The following EPB41 variants were observed in gnomAD, a reference collection of about 807,000 sequenced individuals.
The protein encoded by EPB41 is protein 4.1.
EPB41 carries 65 observed loss-of-function variants against 108.0 expected under a neutral mutation model. The observed-to-expected ratio is 0.60, with a 90% CI of 0.49 to 0.74. The LOEUF is 0.74. Ranked by LOEUF, EPB41 falls within the 30% of genes least tolerant of loss-of-function variation. The pLI, the probability that EPB41 is intolerant of heterozygous loss-of-function variation, is 0.00. For synonymous variants in EPB41, 336 were observed against 358.9 expected, an observed-to-expected ratio of 0.94 and a Z score of 0.72; for missense variants, 875 against 1,037.0, an observed-to-expected ratio of 0.84 and a Z score of 2.15.
At chr1:29,047,570 G>A (rs530451871) in intron 11 of EPB41, among the ~76,000 whole-genome samples, 1 of 151,694 alleles carries the variant, frequency 6.6e-6, no homozygotes, top group East Asian at 1.9e-4. Context: ...TGTTTTTCTA[G>A]GAAATGTGCA....
Position 28,887,266 on chromosome 1 carries a change from G to A in EPB41, c.-8+56G>A. Reference sequence around the variant, plus strand: ...CGGTCCCCGGGAGGGACGGGGTTAGGGACAGAAGAACCTACCCCCAAGGGC... The same window carrying A: ...CGGTCCCCGGGAGGGACGGGGTTAGAGACAGAAGAACCTACCCCCAAGGGC... On this transcript the variant is annotated intron_variant, in intron 1 of 16. Transcript: ENST00000347529. The surrounding 1 kb of genome is among the most constrained non-coding windows in gnomAD (Gnocchi z 4.9). 7.9e-7 allele frequency: 1 copy of A among 1,266,376 alleles called. No homozygotes were observed. The highest frequency in any genetic ancestry group is 1.0e-6 in the Non-Finnish European group (1 of 977,966). The allele number at this position is 1,266,376 out of a possible 1,614,324, so 78.4% of individuals were successfully genotyped here.
intron 11 of EPB41, among the ~76,000 whole-genome samples, chr1:29,045,412 G>C (rs898454778): frequency 6.6e-6 from 1 of 151,994 alleles, no homozygotes; most frequent in Non-Finnish European, 1.5e-5. Context: ...GGAGTGCGAT[G>C]GAGCGATCAC....
chr1:28,895,626 A>G (rs548657476), intron 1 of EPB41, among the ~76,000 whole-genome samples: 1 of 152,112 alleles, frequency 6.6e-6, no homozygotes, highest in Non-Finnish European at 1.5e-5. Flanking sequence ...AGTAGCTGGG[A>G]CTACAGGCGT....
intron 1 of EPB41, among the ~76,000 whole-genome samples, chr1:28,971,816 T>C (rs2095502553): frequency 6.6e-6 from 1 of 152,134 alleles, no homozygotes. Context: ...TCAATTATGG[T>C]CTATAGATTT....
At chr1:29,104,286 G>T (rs1175174202) in intron 17 of EPB41, among the ~76,000 whole-genome samples, 1 of 152,154 alleles carries the variant, frequency 6.6e-6, no homozygotes, top group Non-Finnish European at 1.5e-5. Context: ...TTATCTTGCT[G>T]GATAAGTAAG....
intron 12 of EPB41, 55 bp downstream of exon 12, chr1:29,053,367 A>G: frequency 6.3e-7 from 1 of 1,597,694 alleles, no homozygotes; most frequent in Non-Finnish European, 8.6e-7. Context: ...AGAGGCCTTA[A>G]CTTTTTGACC....
intron 1 of EPB41, among the ~76,000 whole-genome samples, chr1:28,907,337 G>C (rs1353307329): frequency 1.3e-5 from 2 of 151,928 alleles, no homozygotes; most frequent in Non-Finnish European, 2.9e-5. Flanking sequence ...AAAGTGCTGG[G>C]ATTACAGGCA....
At chr1:29,017,882 G>A (rs565599262) in intron 6 of EPB41, among the ~76,000 whole-genome samples, 2 of 151,946 alleles carry the variant, frequency 1.3e-5, no homozygotes, top group Admixed American at 6.6e-5. Flanking sequence ...TATATCTGTG[G>A]TACTTAGTAT....
At chr1:28,928,195 C>T (rs2093557507) in intron 1 of EPB41, among the ~76,000 whole-genome samples, 1 of 151,920 alleles carries the variant, frequency 6.6e-6, no homozygotes. Flanking sequence ...TATTGGGATA[C>T]CTCCCTTACT....
chr1:28,921,981 T>TC, intron 1 of EPB41, among the ~76,000 whole-genome samples: 1 of 127,236 alleles, frequency 7.9e-6, no homozygotes, highest in East Asian at 2.9e-4. Context: ...TTTTGTTTTT[T>TC]TTTTTTGAGA....
At chr1:28,931,772 G>C (rs568905219) in intron 1 of EPB41, among the ~76,000 whole-genome samples, 3 of 151,960 alleles carry the variant, frequency 2.0e-5, no homozygotes, top group African/African-American at 7.2e-5. Context: ...CTGACCTCAT[G>C]ATCCACTCGC....
chr1:29,030,346 G>A lies in EPB41; in HGVS notation c.1125-54G>A, dbSNP rs545810962. ...ATACAGTGAATATATAAATGTTACT[G>A]TAAATGATGACACTATAACACTGAA... On this transcript the variant is annotated intron_variant, in intron 7 of 20. Transcript: ENST00000343067. The A allele has an allele frequency of 3.6e-5, 48 of 1,335,314 alleles. 1 individual carries two copies. In the South Asian group the frequency reaches 5.2e-4, roughly 14 times the overall value. 82.7% of individuals were successfully genotyped at this position (1,335,314 alleles called of 1,614,324 possible).
At chr1:29,016,635 C>T (rs912985005) in intron 6 of EPB41, among the ~76,000 whole-genome samples, 8 of 152,058 alleles carry the variant, frequency 5.3e-5, no homozygotes, top group Admixed American at 2.6e-4. Flanking sequence ...TTAAATCCTG[C>T]GCTCTTTAAA....
rs12092908 is a variant in EPB41 at position 29,106,143 on chromosome 1, T to C, written c.2314-3193T>C. ...GACAAATGACCAGTATGAGGAAACA[T>C]TGGTAAGAGGATCAAGGAAAACAGG... On this transcript the variant is annotated intron_variant, in intron 17 of 20. Transcript: ENST00000343067. Among the ~76,000 whole-genome samples the C allele has an allele frequency of 1.9e-3, 286 of 152,134 alleles. 1 individual carries two copies. Among genetic ancestry groups the C allele is most frequent in the African/African-American group, 6.7e-3 (276 of 41,500 alleles).
chr1:29,057,795 G>A (rs1645811944), intron 12 of EPB41, among the ~76,000 whole-genome samples: 1 of 152,150 alleles, frequency 6.6e-6, no homozygotes, highest in South Asian at 2.1e-4. Context: ...GTATTTCAAA[G>A]CTAGGCAGGA....
Position 28,972,597 on chromosome 1 carries a change from G to A in EPB41, c.-7-14834G>A, listed in dbSNP as rs149991653. Reference sequence around the variant, plus strand: ...GTGACATTCCTGATTCACTCAGTATGGCAAGCAGTTTTTTTTTTTTTAGAC... The same window carrying A: ...GTGACATTCCTGATTCACTCAGTATAGCAAGCAGTTTTTTTTTTTTTAGAC... On this transcript the variant is annotated intron_variant, in intron 1 of 20. Coordinates refer to ENST00000343067, the MANE Select transcript of EPB41 (RefSeq NM_001376013.1). Among the ~76,000 whole-genome samples, 664 of 151,984 alleles carry A rather than the reference G, an allele frequency of 4.4e-3. 4 individuals carry two copies. The highest frequency in any genetic ancestry group is 0.015 in the African/African-American group (631 of 41,454).
chr1:28,997,248 G>T lies in EPB41; in HGVS notation c.715G>T (p.Val239Leu), dbSNP rs763919964. The change falls in exon 4 of 21, where the codon GTA becomes TTA. Residue 239 changes from valine (V) to leucine (L), a missense_variant. Val to Leu is a conservative substitution (Grantham distance 32). Coordinates refer to ENST00000343067, the MANE Select transcript of EPB41 (RefSeq NM_001376013.1). ...HAKGQDLLKRVCEHLNLLEED... is the reference protein window; with the variant it reads ...HAKGQDLLKRLCEHLNLLEED... ...TAAGGGACAAGATTTGCTTAAACGAGTATGTGAGCATCTCAATCTTTTGGA... is the reference window on the plus strand; with the variant it reads ...TAAGGGACAAGATTTGCTTAAACGATTATGTGAGCATCTCAATCTTTTGGA... 2 of 1,614,028 alleles carry T rather than the reference G, an allele frequency of 1.2e-6. No individual in the cohort carries two copies. The highest frequency in any genetic ancestry group is 1.7e-6 in the Non-Finnish European group (2 of 1,180,004).
At chr1:29,095,917 G>A (rs1427045521) in intron 16 of EPB41, among the ~76,000 whole-genome samples, 1 of 152,176 alleles carries the variant, frequency 6.6e-6, no homozygotes, top group African/African-American at 2.4e-5. Context: ...CTGGATAATT[G>A]TTTTTCAGAT....
chr1:28,907,576 A>C (rs2091935132), intron 1 of EPB41, among the ~76,000 whole-genome samples: 1 of 152,076 alleles, frequency 6.6e-6, no homozygotes, highest in Non-Finnish European at 1.5e-5. Context: ...ATGGTTGTTA[A>C]GGCATTCCTT....
Sources: gnomAD v4.1 joint callset for allele counts (sites outside exome capture counted in the v4.1 genomes callset) on GRCh38, gnomAD v4.1.1 for gene constraint, Gnocchi (gnomAD v3.1) non-coding constraint, MANE v1.5 for transcripts, NCBI Gene and HGNC (gene_info 2026-07-23, HGNC 2026-07-21) for gene names.